The following DMD variants were observed in gnomAD, a reference collection of about 807,000 sequenced individuals.
DMD encodes mutant dystrophin.
Under a neutral mutation model 330.1 loss-of-function variants are expected in DMD, and 63 were observed. The ratio of observed to expected loss-of-function variants is 0.19; its 90% CI spans 0.16 to 0.24. The LOEUF (loss-of-function observed/expected upper bound fraction) is 0.24, where lower values mean the gene tolerates loss of function less well. DMD is among the 10% of genes least tolerant of loss of function. DMD has a pLI of 1.00. For missense variants in DMD, 3,344 were observed against 2,684.1 expected, an observed-to-expected ratio of 1.25 and a Z score of -5.43; for synonymous variants, 1,223 against 959.8, an observed-to-expected ratio of 1.27 and a Z score of -5.07.
chrX:31,803,459 T>C (rs1243166856), intron 50 of DMD, among the ~76,000 whole-genome samples: 1 of 112,513 alleles, frequency 8.9e-6, no homozygotes, highest in Non-Finnish European at 1.9e-5. Context: ...GAAGAATAAT[T>C]ATAAAGCAAC....
In DMD at chrX:32,866,753, GGA is replaced by G. The variant is rs1475548163; in HGVS notation, c.94-16935_94-16934del. ...GGGGGGTGGGGGGGTGGGGGGGGGG[GGA>G]CAGAGTTTCACTCTTTCGCCCAGCC... is the stretch of plus-strand genomic sequence containing the variant. On this transcript the variant is annotated intron_variant, in intron 2 of 78. Coordinates refer to ENST00000357033, the MANE Select transcript of DMD (RefSeq NM_004006.3). 8.6e-3 allele frequency among the ~76,000 whole-genome samples: 670 copies of G among 77,459 alleles called. 16 individuals carry two copies. The highest frequency in any genetic ancestry group is 0.031 in the African/African-American group (634 of 20,189). The allele number at this position is 77,459 out of a possible 115,157, so 67.3% of individuals were successfully genotyped here.
At chrX:32,744,742 C>T (rs1213980056) in intron 7 of DMD, among the ~76,000 whole-genome samples, 1 of 111,605 alleles carries the variant, frequency 9.0e-6, no homozygotes, top group Admixed American at 9.6e-5. Flanking sequence ...CCAATCAATC[C>T]TCTTCATCTG....
intron 45 of DMD, among the ~76,000 whole-genome samples, chrX:31,955,169 C>T (rs2095232272): frequency 9.0e-6 from 1 of 111,138 alleles, no homozygotes; most frequent in Non-Finnish European, 1.9e-5. Context: ...GAGCCAGAAC[C>T]CCATCTCAAA....
At chrX:32,233,556 T>C (rs898415962) in intron 43 of DMD, among the ~76,000 whole-genome samples, 1 of 110,974 alleles carries the variant, frequency 9.0e-6, no homozygotes, top group African/African-American at 3.3e-5. Flanking sequence ...GGGGAGAATA[T>C]ATAGAGCATT....
At chrX:31,769,098 A>G (rs1434712413) in intron 51 of DMD, among the ~76,000 whole-genome samples, 1 of 112,076 alleles carries the variant, frequency 8.9e-6, no homozygotes, top group Admixed American at 9.5e-5. Flanking sequence ...TTTTCACCAA[A>G]TATGTTTTCT....
intron 47 of DMD, among the ~76,000 whole-genome samples, chrX:31,885,260 C>T (rs984516495): frequency 3.6e-5 from 4 of 111,407 alleles, no homozygotes; most frequent in African/African-American, 9.8e-5. Context: ...ACTTCATATT[C>T]TACTCTTTCC....
At chrX:32,328,893 T>A (rs1033328682) in intron 41 of DMD, among the ~76,000 whole-genome samples, 4 of 111,303 alleles carry the variant, frequency 3.6e-5, no homozygotes, top group Non-Finnish European at 5.7e-5. Flanking sequence ...AAAATTGCTC[T>A]TTTTTTTCTT....
Position 31,120,939 on chromosome X carries a change from C to T in DMD, c.*980G>A, listed in dbSNP as rs537439497. On this transcript the variant is annotated 3_prime_UTR_variant, in exon 79 of 79. Transcript: ENST00000357033. ...ATAATAAGTCCTGTGTATTCATTCA[C>T]ATGTTCCCTTTAAAAAAATCCAATA... The T allele has an allele frequency of 3.6e-5, 4 of 111,211 alleles. No homozygotes were observed. In the South Asian group the frequency reaches 1.5e-3, roughly 43 times the overall value. 9.2% of individuals were successfully genotyped at this position (111,211 alleles called of 1,213,427 possible).
intron 47 of DMD, among the ~76,000 whole-genome samples, chrX:31,918,489 A>G (rs774848583): frequency 3.6e-5 from 4 of 111,801 alleles, no homozygotes; most frequent in African/African-American, 1.3e-4. Context: ...GTTGGGAATT[A>G]ACCACACGCG....
At chrX:32,896,026 T>G (rs868779086) in intron 2 of DMD, among the ~76,000 whole-genome samples, 2 of 111,579 alleles carry the variant, frequency 1.8e-5, no homozygotes, top group South Asian at 3.7e-4. Context: ...ACGGCTGTAA[T>G]GACTTATAAG....
At chrX:33,124,499 A>AAAAAAAAC (rs2095447908) in intron 1 of DMD, among the ~76,000 whole-genome samples, 1 of 105,475 alleles carries the variant, frequency 9.5e-6, no homozygotes, top group African/African-American at 3.5e-5. Flanking sequence ...AAAAAAAAAA[A>AAAAAAAAC]AAAAAAAAAA....
At chrX:31,173,170 T>C (rs1200538339) in intron 72 of DMD, among the ~76,000 whole-genome samples, 1 of 111,748 alleles carries the variant, frequency 8.9e-6, no homozygotes, top group African/African-American at 3.2e-5. Context: ...GGAAAGCTGA[T>C]GCTTTCATAT....
At chrX:31,844,025 A>AT (rs918113153) in intron 48 of DMD, among the ~76,000 whole-genome samples, 1 of 110,662 alleles carries the variant, frequency 9.0e-6, no homozygotes, top group Non-Finnish European at 1.9e-5. Context: ...TGCCCAGCTA[A>AT]TTTTTTTGTA....
At chrX:32,801,257 T>C (rs747986742) in intron 7 of DMD, among the ~76,000 whole-genome samples, 21 of 112,085 alleles carry the variant, frequency 1.9e-4, no homozygotes, top group Non-Finnish European at 3.2e-4. Flanking sequence ...GTTTTGATTT[T>C]CATTTCTCTA....
chrX:32,227,184 T>G, intron 43 of DMD, among the ~76,000 whole-genome samples: 1 of 98,491 alleles, frequency 1.0e-5, no homozygotes, highest in Non-Finnish European at 2.0e-5. Flanking sequence ...CCACATATTC[T>G]TTTATTTATA....
intron 9 of DMD, among the ~76,000 whole-genome samples, chrX:32,671,848 A>T (rs2061655367): frequency 8.9e-6 from 1 of 112,010 alleles, no homozygotes; most frequent in Non-Finnish European, 1.9e-5. Flanking sequence ...AAGTAGATGC[A>T]TATACTTTTT....
intron 44 of DMD, among the ~76,000 whole-genome samples, chrX:32,152,268 TG>T (rs1310749599): frequency 1.8e-5 from 2 of 111,342 alleles, no homozygotes; most frequent in African/African-American, 6.5e-5. Context: ...TTTTTAAAGA[TG>T]GGGGGTGGGC....
At chrX:32,777,282 G>GGGGGGGGGGGGTGGGGGGGGGGT (rs1368782701) in intron 7 of DMD, among the ~76,000 whole-genome samples, 1 of 54,132 alleles carries the variant, frequency 1.8e-5, no homozygotes, top group Non-Finnish European at 3.7e-5. Flanking sequence ...CTGGTTGGGG[G>GGGGGGGGGGGGTGGGGGGGGGGT]GGGAATCCTA....
At chrX:31,949,208 G>A (rs1313631349) in intron 45 of DMD, among the ~76,000 whole-genome samples, 6 of 111,206 alleles carry the variant, frequency 5.4e-5, no homozygotes, top group South Asian at 7.4e-4. Flanking sequence ...CTAAGATGTC[G>A]ATGGAGATTG....
Sources: gnomAD v4.1 joint callset for allele counts (sites outside exome capture counted in the v4.1 genomes callset) on GRCh38, gnomAD v4.1.1 for gene constraint, MANE v1.5 for transcripts, NCBI Gene and HGNC (gene_info 2026-07-23, HGNC 2026-07-21) for gene names.